BTK: variants seen among roughly 807,000 people sequenced by gnomAD.
BTK encodes the protein tyrosine-protein kinase BTK.
Under a neutral mutation model 57.4 loss-of-function variants are expected in BTK, and 5 were observed. The ratio of observed to expected loss-of-function variants is 0.09; its 90% CI spans 0.05 to 0.18. BTK has a LOEUF of 0.18. Ranked by LOEUF, BTK falls within the 10% of genes least tolerant of loss-of-function variation. The pLI is 1.00. For synonymous variants in BTK, 154 were observed against 174.3 expected (o/e 0.88, Z 0.92); for missense variants, 194 against 501.2 (o/e 0.39, Z 5.85).
At chrX:101,356,757 G>C (rs782355148) in intron 14 of BTK, 27 bp downstream of exon 14, 53 of 1,206,682 alleles carry the variant, frequency 4.4e-5, no homozygotes, top group Non-Finnish European at 5.7e-5. Context: ...CAAATAGATT[G>C]AGAGTTGAGT....
rs1926509368 is a variant in BTK, at chrX:101,357,095, T to A, written c.1178-140A>T. The A allele has an allele frequency of 5.8e-6, 4 of 685,099 alleles. No individual in the cohort carries two copies. In the East Asian group the frequency reaches 9.7e-5, roughly 17 times the overall value. 56.5% of individuals were successfully genotyped at this position (685,099 alleles called of 1,213,427 possible). A position where few individuals can be genotyped will look rare whatever the true frequency, so the allele number is the denominator to read the frequency against. On this transcript the variant is annotated intron_variant, in intron 13 of 18. Transcript: ENST00000308731. ...AAGTACTAATCTGTCTTTGCTTAAG[T>A]CAATCTCAGAAACGGGATTCATTGG... is the stretch of plus-strand genomic sequence containing the variant.
intron 14 of BTK, 87 bp downstream of exon 14, chrX:101,356,697 A>G: frequency 9.2e-7 from 1 of 1,092,748 alleles, no homozygotes; most frequent in Non-Finnish European, 1.3e-6. Context: ...CTCTTACTGT[A>G]AGTCATCTTT....
At chrX:101,359,108 A>T (rs1926580273) in intron 10 of BTK, among the ~76,000 whole-genome samples, 185 bp downstream of exon 10, 1 of 112,129 alleles carries the variant, frequency 8.9e-6, no homozygotes, top group African/African-American at 3.2e-5. Flanking sequence ...ACTGCACTCC[A>T]GCCTGGGTGA....
intron 3 of BTK, 43 bp from the exon 4 acceptor site, chrX:101,371,744 C>T (rs782632642): frequency 1.9e-4 from 204 of 1,076,897 alleles, no homozygotes; most frequent in Non-Finnish European, 2.5e-4. Flanking sequence ...TGATGCATTG[C>T]TCTTTTCTGA....
intron 4 of BTK, among the ~76,000 whole-genome samples, chrX:101,370,349 A>G (rs1273058594): frequency 8.9e-6 from 1 of 111,751 alleles, no homozygotes; most frequent in Non-Finnish European, 1.9e-5. Flanking sequence ...GCATAAACTT[A>G]TTTTATAAGG....
At chrX:101,379,166 AT>A (rs1319987611) in intron 1 of BTK, among the ~76,000 whole-genome samples, 2 of 80,798 alleles carry the variant, frequency 2.5e-5, no homozygotes, top group African/African-American at 1.2e-4. Context: ...CAAAAAAAAA[AT>A]AAAAAATAAA....
At chrX:101,386,591 T>C (rs1216699819), upstream of BTK, among the ~76,000 whole-genome samples, 7 of 109,736 alleles carry the variant, frequency 6.4e-5, no homozygotes, top group Admixed American at 6.9e-4. Flanking sequence ...AGGAAGAGCG[T>C]TTTTCGAGTC....
chrX:101,353,775 A>G, intron 17 of BTK, 95 bp downstream of exon 17: 5 of 771,200 alleles, frequency 6.5e-6, no homozygotes, highest in Admixed American at 2.2e-5. Context: ...AATGAAAGCA[A>G]GAACAATATC....
At chrX:101,388,056 C>T (rs943177021), upstream of BTK, among the ~76,000 whole-genome samples, 22 of 110,522 alleles carry the variant, frequency 2.0e-4, no homozygotes, top group Admixed American at 1.8e-3. Flanking sequence ...TTAGTAGAGA[C>T]GGGGTTTCAC....
intron 5 of BTK, among the ~76,000 whole-genome samples, chrX:101,364,602 A>G (rs1479996739): frequency 9.2e-6 from 1 of 108,385 alleles, no homozygotes; most frequent in Non-Finnish European, 1.9e-5. Flanking sequence ...TTCTCCACAT[A>G]GATTTGAAAA....
At position 101,357,592 on chromosome X, in the gene BTK, G is replaced by T; in HGVS notation, c.1103-9C>A. On this transcript the variant is annotated splice_polypyrimidine_tract_variant and intron_variant, in intron 12 of 18. Coordinates refer to ENST00000308731, the MANE Select transcript of BTK (RefSeq NM_000061.3). ...GAGCCTGGATATGAGTCCTGAAACA[G>T]AGAGAGAGGTCATGCTGTTGGTGTG... 1 of 1,195,027 alleles carries T rather than the reference G, an allele frequency of 8.4e-7. No individual in the cohort carries two copies. The highest frequency in any genetic ancestry group is 1.1e-6 in the Non-Finnish European group (1 of 880,461).
At position 101,354,703 on chromosome X, in the gene BTK, C is replaced by G; in HGVS notation, c.1567-9G>C. On this transcript the variant is annotated splice_polypyrimidine_tract_variant and intron_variant, in intron 15 of 18. Transcript: ENST00000308731. Reference sequence around the variant, plus strand: ...AAACAGTTTCGAGCTGCCTGTAGTGCAAACAGAGACCAGTGAGACTCCGTC... The same window carrying G: ...AAACAGTTTCGAGCTGCCTGTAGTGGAAACAGAGACCAGTGAGACTCCGTC... The G allele has an allele frequency of 8.3e-7, 1 of 1,208,583 alleles. No individual in the cohort carries two copies.
At chrX:101,376,643 AAAC>A (rs1186692706) in intron 1 of BTK, among the ~76,000 whole-genome samples, 1 of 110,454 alleles carries the variant, frequency 9.1e-6, no homozygotes, top group African/African-American at 3.3e-5. Flanking sequence ...ACAAAATCAA[AAAC>A]AACAACAAAA....
intron 1 of BTK, among the ~76,000 whole-genome samples, chrX:101,378,196 G>C (rs1458147616): frequency 9.3e-6 from 1 of 107,457 alleles, no homozygotes; most frequent in Non-Finnish European, 1.9e-5. Context: ...CAATTCTCCT[G>C]CCTCGGCCTC....
intron 1 of BTK, among the ~76,000 whole-genome samples, chrX:101,380,420 T>C (rs1205849120): frequency 8.9e-6 from 1 of 111,814 alleles, no homozygotes; most frequent in African/African-American, 3.3e-5. Context: ...AAATATACTT[T>C]GTTTTATATT....
Position 101,349,579 on chromosome X carries a change from A to G in BTK, c.*306T>C, listed in dbSNP as rs1926201927. 1.1e-5 allele frequency: 3 copies of G among 282,506 alleles called. No individual in the cohort carries two copies. In the East Asian group the frequency reaches 1.6e-4, roughly 15 times the overall value. The allele number at this position is 282,506 out of a possible 1,213,427, so 23.3% of individuals were successfully genotyped here. On this transcript the variant is annotated 3_prime_UTR_variant, in exon 19 of 19. Transcript: ENST00000308731. ...CCCAAGCTCTACCAAATGCCTACTC[A>G]AAGAGCTGTTGGACCCCTTTGTGCG...
intron 17 of BTK, 148 bp downstream of exon 17, chrX:101,353,722 T>C (rs1926373212): frequency 1.8e-6 from 1 of 570,836 alleles, no homozygotes; most frequent in Admixed American, 2.4e-5. Flanking sequence ...CAGAAACCCC[T>C]GTGGTGGCTG....
At chrX:101,358,992 G>T (rs1926575008) in intron 10 of BTK, among the ~76,000 whole-genome samples, 1 of 111,439 alleles carries the variant, frequency 9.0e-6, no homozygotes. Flanking sequence ...ACAAAAATTA[G>T]TCGGGCGTGG....
intron 3 of BTK, 133 bp downstream of exon 3, chrX:101,374,403 G>A: frequency 1.6e-5 from 9 of 563,841 alleles, no homozygotes; most frequent in Non-Finnish European, 2.5e-5. Context: ...ATATGGTAGA[G>A]TGAAGAATTT....
Sources: allele counts gnomAD v4.1 joint callset (sites outside exome capture counted in the v4.1 genomes callset), GRCh38; gene constraint gnomAD v4.1.1; transcripts MANE v1.5; gene names NCBI Gene and HGNC (gene_info 2026-07-23, HGNC 2026-07-21).